RIMS1: variants seen among roughly 807,000 people sequenced by gnomAD.
The protein encoded by RIMS1 is regulating synaptic membrane exocytosis 1, also known as regulating synaptic membrane exocytosis protein 1.
In RIMS1, 83 loss-of-function variants were observed where a neutral mutation model predicts 214.1. That is an observed-to-expected ratio of 0.39 (90% CI 0.32 to 0.47). The LOEUF is 0.47. RIMS1 is among the 20% of genes least tolerant of loss of function. RIMS1 has a pLI of 0.99. For synonymous variants in RIMS1, 793 were observed against 786.8 expected, an observed-to-expected ratio of 1.01 and a Z score of -0.13; for missense variants, 2,050 against 2,161.8, an observed-to-expected ratio of 0.95 and a Z score of 1.03.
intron 16 of RIMS1, among the ~76,000 whole-genome samples, chr6:72,255,697 C>T (rs1203200589): frequency 6.6e-6 from 1 of 152,120 alleles, no homozygotes; most frequent in Non-Finnish European, 1.5e-5. Flanking sequence ...AAAAAATTCT[C>T]TAATCTCTAA....
intron 19 of RIMS1, among the ~76,000 whole-genome samples, chr6:72,264,644 T>C (rs2079572852): frequency 6.6e-6 from 1 of 152,194 alleles, no homozygotes; most frequent in African/African-American, 2.4e-5. Flanking sequence ...GAGTTTACTT[T>C]CGTAGAAGTA....
chr6:72,099,901 A>G, intron 3 of RIMS1, 74 bp from the exon 4 acceptor site: 1 of 1,204,518 alleles, frequency 8.3e-7, no homozygotes, highest in Non-Finnish European at 1.2e-6. Flanking sequence ...CAATTTATTA[A>G]TACATGGCTC....
intron 13 of RIMS1, 116 bp from the exon 14 acceptor site, chr6:72,250,805 C>A: frequency 1.6e-6 from 1 of 615,658 alleles, no homozygotes; most frequent in South Asian, 2.6e-5. Context: ...TTTTTATAGA[C>A]TTTCCATGAG....
chr6:72,263,025 AGAGT>A lies in RIMS1; in HGVS notation c.3117-1949_3117-1946del, dbSNP rs2078761432. On this transcript the variant is annotated intron_variant, in intron 19 of 33. Transcript: ENST00000521978. The stretch of plus-strand genomic sequence containing the variant: ...TACGAAAGTTTATTTTACGACTAAT[AGAGT>A]AAGGATTCAAAATCAGATCTATTTG... 1.1e-5 allele frequency: 9 copies of A among 800,282 alleles called. No homozygotes were observed. In the South Asian group the frequency reaches 5.2e-4, roughly 46 times the overall value. The allele number at this position is 800,282 out of a possible 1,614,324, so 49.6% of individuals were successfully genotyped here.
At chr6:72,354,996 TG>T (rs1310080045) in intron 29 of RIMS1, among the ~76,000 whole-genome samples, 1 of 152,170 alleles carries the variant, frequency 6.6e-6, no homozygotes, top group Non-Finnish European at 1.5e-5. Flanking sequence ...CAAATTGGTG[TG>T]GGGAGAACTG....
chr6:72,183,569 G>GT (rs3046908), intron 6 of RIMS1, among the ~76,000 whole-genome samples: 63,955 of 142,762 alleles, frequency 0.45, 16,111 homozygotes, highest in East Asian at 0.82. Context: ...TGCAAAGGTA[G>GT]TTTTTTTTTT....
At chr6:71,913,193 C>T (rs1489966947) in intron 1 of RIMS1, among the ~76,000 whole-genome samples, 1 of 151,952 alleles carries the variant, frequency 6.6e-6, no homozygotes. Context: ...AATATTTTAT[C>T]ATTAAAATTA....
intron 22 of RIMS1, among the ~76,000 whole-genome samples, chr6:72,273,983 A>C (rs1261142584): frequency 6.6e-6 from 1 of 152,198 alleles, no homozygotes; most frequent in Non-Finnish European, 1.5e-5. Flanking sequence ...TTCAAACATA[A>C]GCCATATTCC....
At chr6:71,909,513 C>T in intron 1 of RIMS1, among the ~76,000 whole-genome samples, 1 of 152,092 alleles carries the variant, frequency 6.6e-6, no homozygotes, top group Non-Finnish European at 1.5e-5. Context: ...CTTGATTCTG[C>T]TGTCTCTAAT....
rs568695724 is a variant in RIMS1, at chr6:71,914,237, C to CT, written c.164+27059dup. Among the ~76,000 whole-genome samples, 33 of 151,190 alleles carry CT rather than the reference C, an allele frequency of 2.2e-4. No homozygotes were observed. In the East Asian group the frequency reaches 5.1e-3, roughly 23 times the overall value. ...TTCTACTATAAACAATGTTTTCTCT[C>CT]TTTTTTTTTGGCCAGTTGCAAATAT... is the stretch of plus-strand genomic sequence containing the variant. On this transcript the variant is annotated intron_variant, in intron 1 of 33. Transcript: ENST00000521978.
At chr6:72,298,461 A>G (rs1372262218) in intron 26 of RIMS1, among the ~76,000 whole-genome samples, 1 of 152,000 alleles carries the variant, frequency 6.6e-6, no homozygotes, top group African/African-American at 2.4e-5. Context: ...CCCTCCAGGG[A>G]ACTTGTTCTC....
intron 2 of RIMS1, among the ~76,000 whole-genome samples, chr6:72,036,970 G>C (rs947212562): frequency 2.6e-5 from 4 of 152,144 alleles, no homozygotes; most frequent in African/African-American, 9.7e-5. Context: ...CTCTGAGTAA[G>C]TATCACATTC....
At position 72,312,977 on chromosome 6, in the gene RIMS1, A is replaced by G. The variant is rs528758499; in HGVS notation, c.3964-529A>G. On this transcript the variant is annotated intron_variant, in intron 27 of 33. Transcript: ENST00000521978. ...GGTATATTTTTTCTATATACATTAT[A>G]TATTTTCCAGTTGAGCATCCTAATC... 2.6e-5 allele frequency among the ~76,000 whole-genome samples: 4 copies of G among 152,276 alleles called. No homozygotes were observed. In the East Asian group the frequency reaches 7.7e-4, roughly 29 times the overall value.
chr6:72,298,831 C>A (rs1438906757), intron 26 of RIMS1, among the ~76,000 whole-genome samples: 1 of 149,912 alleles, frequency 6.7e-6, no homozygotes, highest in African/African-American at 2.4e-5. Flanking sequence ...CCTGCTCCTC[C>A]AATTGCCATA....
intron 28 of RIMS1, among the ~76,000 whole-genome samples, chr6:72,319,145 T>C (rs2154307843): frequency 6.6e-6 from 1 of 152,098 alleles, no homozygotes; most frequent in Non-Finnish European, 1.5e-5. Flanking sequence ...TTATCCCAAG[T>C]TAGAGGGCAA....
At chr6:72,041,160 G>GA (rs1585473376) in intron 2 of RIMS1, among the ~76,000 whole-genome samples, 1 of 151,716 alleles carries the variant, frequency 6.6e-6, no homozygotes, top group African/African-American at 2.4e-5. Flanking sequence ...ATTCAATTTT[G>GA]AAAAAATAAA....
chr6:72,013,498 G>C (rs1174822473), intron 2 of RIMS1, among the ~76,000 whole-genome samples: 1 of 152,108 alleles, frequency 6.6e-6, no homozygotes. Context: ...GAAAAAGACT[G>C]ACCTGGGAAC....
At chr6:72,319,618 A>G (rs1023665094) in intron 28 of RIMS1, among the ~76,000 whole-genome samples, 1 of 152,120 alleles carries the variant, frequency 6.6e-6, no homozygotes, top group Non-Finnish European at 1.5e-5. Context: ...ACTAACCAAT[A>G]TTGAGAGCTT....
At chr6:71,938,626 G>T (rs1371608672) in intron 1 of RIMS1, among the ~76,000 whole-genome samples, 2 of 152,170 alleles carry the variant, frequency 1.3e-5, no homozygotes, top group Non-Finnish European at 2.9e-5. Flanking sequence ...CCAGAATTCA[G>T]GGAGCAGAAA....
Sources: gnomAD v4.1 joint callset for allele counts (sites outside exome capture counted in the v4.1 genomes callset) on GRCh38, gnomAD v4.1.1 for gene constraint, MANE v1.5 for transcripts, NCBI Gene and HGNC (gene_info 2026-07-23, HGNC 2026-07-21) for gene names.